ROBO2: variants seen among roughly 807,000 people sequenced by gnomAD.
ROBO2 encodes the protein roundabout homolog 2.
In ROBO2, 53 loss-of-function variants were observed where a neutral mutation model predicts 160.8. The ratio of observed to expected loss-of-function variants is 0.33; its 90% CI spans 0.26 to 0.41. The LOEUF (loss-of-function observed/expected upper bound fraction) is 0.41. ROBO2 is among the 10% of genes least tolerant of loss of function. The pLI is 1.00. For synonymous variants in ROBO2, 664 were observed against 611.7 expected, an observed-to-expected ratio of 1.09 and a Z score of -1.26; for missense variants, 1,577 against 1,722.4, an observed-to-expected ratio of 0.92 and a Z score of 1.49.
At chr3:76,209,200 A>C (rs1366743495) in intron 2 of ROBO2, among the ~76,000 whole-genome samples, 2 of 152,174 alleles carry the variant, frequency 1.3e-5, no homozygotes, top group African/African-American at 4.8e-5. Context: ...TCCCTTTCCC[A>C]GTGGAAAAAG....
At chr3:75,970,665 CA>C (rs1176220255) in intron 2 of ROBO2, among the ~76,000 whole-genome samples, 2 of 151,478 alleles carry the variant, frequency 1.3e-5, no homozygotes, top group Non-Finnish European at 3.0e-5. Context: ...ATTCACTGTG[CA>C]ATCTTTAATC....
chr3:76,187,434 C>T (rs887498826), intron 2 of ROBO2, among the ~76,000 whole-genome samples: 1 of 136,674 alleles, frequency 7.3e-6, no homozygotes, highest in African/African-American at 2.7e-5. Flanking sequence ...ACCACCACAC[C>T]CAACTGATTT....
At chr3:77,252,831 A>AAAAAAAATATATATATATAT in intron 2 of ROBO2, among the ~76,000 whole-genome samples, 1 of 12,520 alleles carries the variant, frequency 8.0e-5, no homozygotes, top group African/African-American at 1.6e-4. Context: ...AAAAAAAAAA[A>AAAAAAAATATATATATATAT]ATATATATAT....
intron 2 of ROBO2, among the ~76,000 whole-genome samples, chr3:77,248,920 C>T (rs1005111979): frequency 1.3e-5 from 2 of 152,082 alleles, no homozygotes; most frequent in African/African-American, 2.4e-5. Flanking sequence ...GTCTGTTACC[C>T]AGGCTGGAGT....
intron 2 of ROBO2, among the ~76,000 whole-genome samples, chr3:77,246,577 A>G (rs1580345219): frequency 6.6e-6 from 1 of 151,368 alleles, no homozygotes; most frequent in Non-Finnish European, 1.5e-5. Flanking sequence ...AAATGAGCCC[A>G]CCCCCATGTT....
At chr3:77,293,236 A>C (rs1367555297) in intron 2 of ROBO2, among the ~76,000 whole-genome samples, 2 of 151,650 alleles carry the variant, frequency 1.3e-5, no homozygotes, top group Non-Finnish European at 2.9e-5. Context: ...ATCACCCCAG[A>C]CATAAAGTAA....
intron 1 of ROBO2, among the ~76,000 whole-genome samples, chr3:77,078,460 C>T (rs2068255763): frequency 6.6e-6 from 1 of 152,116 alleles, no homozygotes; most frequent in Non-Finnish European, 1.5e-5. Flanking sequence ...GTTACACAAC[C>T]CCTGAGACTG....
At chr3:76,045,357 A>AT (rs562023254) in intron 2 of ROBO2, among the ~76,000 whole-genome samples, 25 of 152,114 alleles carry the variant, frequency 1.6e-4, no homozygotes, top group African/African-American at 5.6e-4. Flanking sequence ...CCACTGTGGA[A>AT]TGGACATGAG....
At chr3:76,317,199 A>G (rs2072105782) in intron 2 of ROBO2, among the ~76,000 whole-genome samples, 2 of 152,250 alleles carry the variant, frequency 1.3e-5, no homozygotes, top group African/African-American at 4.8e-5. Flanking sequence ...TGCTTAATAA[A>G]TATTTGATGA....
chr3:77,197,835 C>T (rs1268381967), intron 2 of ROBO2, among the ~76,000 whole-genome samples: 1 of 152,044 alleles, frequency 6.6e-6, no homozygotes, highest in East Asian at 1.9e-4. Context: ...GTTACATGCA[C>T]CTAGAATGTG....
chr3:76,407,855 C>T (rs2075290962), intron 2 of ROBO2, among the ~76,000 whole-genome samples: 1 of 152,074 alleles, frequency 6.6e-6, no homozygotes. Context: ...CCATGAGCCT[C>T]ATGCAGCCCA....
intron 2 of ROBO2, among the ~76,000 whole-genome samples, chr3:76,518,572 T>C (rs1429349356): frequency 1.1e-4 from 16 of 152,146 alleles, no homozygotes; most frequent in Admixed American, 1.0e-3. Context: ...GCAAGGTGAG[T>C]TGGGCAATGT....
intron 2 of ROBO2, among the ~76,000 whole-genome samples, chr3:76,849,944 T>C (rs2069164893): frequency 6.6e-6 from 1 of 152,204 alleles, no homozygotes; most frequent in African/African-American, 2.4e-5. Flanking sequence ...CCCAGCACTT[T>C]GGGAGGCCAA....
chr3:77,088,618 A>T (rs1039497444), intron 1 of ROBO2, among the ~76,000 whole-genome samples: 1 of 152,142 alleles, frequency 6.6e-6, no homozygotes, highest in African/African-American at 2.4e-5. Flanking sequence ...CAATATAGCC[A>T]GTTAGTCTTT....
chr3:77,352,003 C>A (rs566379568), intron 2 of ROBO2, among the ~76,000 whole-genome samples: 1 of 151,056 alleles, frequency 6.6e-6, no homozygotes, highest in South Asian at 2.1e-4. Flanking sequence ...TGCTAAATGA[C>A]GAGTTAATGG....
At chr3:76,011,815 A>T (rs2035703) in intron 2 of ROBO2, among the ~76,000 whole-genome samples, 1 of 151,770 alleles carries the variant, frequency 6.6e-6, no homozygotes, top group African/African-American at 2.4e-5. Flanking sequence ...TCTTTCAGCA[A>T]TATCACCCAG....
chr3:77,047,725 T>A (rs1484202146), intron 1 of ROBO2, among the ~76,000 whole-genome samples: 2 of 143,124 alleles, frequency 1.4e-5, no homozygotes, highest in African/African-American at 2.6e-5. Context: ...TAAATAAATA[T>A]ATATATAAAA....
chr3:77,160,402 G>A (rs1412253137), intron 2 of ROBO2, among the ~76,000 whole-genome samples: 2 of 152,074 alleles, frequency 1.3e-5, no homozygotes, highest in Non-Finnish European at 2.9e-5. Flanking sequence ...TGTATTTGTA[G>A]ATAAATTGTA....
At chr3:77,152,702 C>A (rs908214063) in intron 2 of ROBO2, among the ~76,000 whole-genome samples, 2 of 152,172 alleles carry the variant, frequency 1.3e-5, no homozygotes, top group African/African-American at 4.8e-5. Context: ...TTCTGGTTTC[C>A]CAAATGTATA....
Sources: gnomAD v4.1 joint callset for allele counts (sites outside exome capture counted in the v4.1 genomes callset) on GRCh38, gnomAD v4.1.1 for gene constraint, MANE v1.5 for transcripts, NCBI Gene and HGNC (gene_info 2026-07-23, HGNC 2026-07-21) for gene names.